HSD17B12: variants seen among roughly 807,000 people sequenced by gnomAD.
The protein encoded by HSD17B12 is hydroxysteroid 17-beta dehydrogenase 12.
HSD17B12 carries 32 observed loss-of-function variants against 39.3 expected under a neutral mutation model. That is an observed-to-expected ratio of 0.81 (90% confidence interval 0.61 to 1.09). The LOEUF is 1.09. Among genes scored for constraint, HSD17B12 ranks in the 50% least tolerant of loss-of-function variants. The pLI is 0.00. For synonymous variants in HSD17B12, 150 were observed against 146.7 expected, an observed-to-expected ratio of 1.02 and a Z score of -0.16; for missense variants, 342 against 382.9, an observed-to-expected ratio of 0.89 and a Z score of 0.89.
Position 43,790,316 on chromosome 11 carries a change from T to G in HSD17B12, c.284-8004T>G, listed in dbSNP as rs532478901. Among the ~76,000 whole-genome samples, 3 of 152,278 alleles carry G rather than the reference T, an allele frequency of 2.0e-5. No homozygotes were observed. The South Asian group carries it at 6.2e-4, about 32-fold the overall frequency. On this transcript the variant is annotated intron_variant, in intron 3 of 10. Coordinates refer to ENST00000278353, the MANE Select transcript of HSD17B12 (RefSeq NM_016142.3). ...GCAGAGTCAGATGTTCATGCCAGCT[T>G]GAAAAAATATGCAGCTGATGCAAGG...
intron 4 of HSD17B12, among the ~76,000 whole-genome samples, chr11:43,798,646 A>G (rs1347838051): frequency 6.6e-6 from 1 of 151,932 alleles, no homozygotes; most frequent in Non-Finnish European, 1.5e-5. Flanking sequence ...TTTCCTTGTT[A>G]TTTCTCTTAT....
chr11:43,598,699 CTT>C, the HSD17B12 span, among the ~76,000 whole-genome samples: 1 of 152,180 alleles, frequency 6.6e-6, no homozygotes, highest in Admixed American at 6.6e-5. Context: ...CCTTCTGAAA[CTT>C]TTCTCATTCA....
At chr11:43,726,947 G>T (rs1185118140) in intron 1 of HSD17B12, among the ~76,000 whole-genome samples, 5 of 152,098 alleles carry the variant, frequency 3.3e-5, no homozygotes, top group African/African-American at 1.2e-4. Context: ...AATTTTTAAG[G>T]CTTCCATTAA....
At chr11:43,816,485 G>A (rs1951124175) in intron 6 of HSD17B12, 94 bp downstream of exon 6, 6 of 1,066,088 alleles carry the variant, frequency 5.6e-6, no homozygotes, top group Non-Finnish European at 7.7e-6. Flanking sequence ...GTCTACTCTT[G>A]TTTAGATGCA....
intron 1 of HSD17B12, among the ~76,000 whole-genome samples, chr11:43,739,195 A>G (rs1950342568): frequency 6.6e-6 from 1 of 152,170 alleles, no homozygotes; most frequent in African/African-American, 2.4e-5. Flanking sequence ...GGGTGTGACA[A>G]GAGTGACCCA....
the HSD17B12 span, among the ~76,000 whole-genome samples, chr11:43,615,639 T>C: frequency 6.6e-6 from 1 of 152,186 alleles, no homozygotes; most frequent in Non-Finnish European, 1.5e-5. Flanking sequence ...ATAATGCGTT[T>C]TCCTTTTCTC....
At chr11:43,559,212 C>T in the HSD17B12 span, among the ~76,000 whole-genome samples, 1 of 152,052 alleles carries the variant, frequency 6.6e-6, no homozygotes, top group Non-Finnish European at 1.5e-5. Flanking sequence ...TATTTGTCTC[C>T]CTTTGATATA....
intron 1 of HSD17B12, among the ~76,000 whole-genome samples, chr11:43,746,930 C>T (rs1270076278): frequency 1.3e-5 from 2 of 152,168 alleles, no homozygotes; most frequent in African/African-American, 4.8e-5. Context: ...TATGCAGCTG[C>T]TGACTGTATG....
chr11:43,729,828 A>C (rs1950252706), intron 1 of HSD17B12, among the ~76,000 whole-genome samples: 1 of 152,252 alleles, frequency 6.6e-6, no homozygotes, highest in African/African-American at 2.4e-5. Context: ...GGTTCACAGA[A>C]GAAATAAAAG....
the HSD17B12 span, among the ~76,000 whole-genome samples, chr11:43,627,449 G>T: frequency 1.3e-5 from 2 of 151,598 alleles, no homozygotes; most frequent in African/African-American, 4.8e-5. Context: ...TTTTTTAATG[G>T]TGATGTTAGA....
chr11:43,692,897 G>A (rs1949875753), intron 1 of HSD17B12, among the ~76,000 whole-genome samples: 1 of 152,094 alleles, frequency 6.6e-6, no homozygotes. Flanking sequence ...AGAGCATTGA[G>A]TATATAGTTT....
chr11:43,592,878 G>A, the HSD17B12 span, among the ~76,000 whole-genome samples: 2 of 152,024 alleles, frequency 1.3e-5, no homozygotes, highest in African/African-American at 4.8e-5. Context: ...CACACTCTTA[G>A]AGGCTAAGAT....
chr11:43,586,470 C>G, the HSD17B12 span, among the ~76,000 whole-genome samples: 1 of 152,208 alleles, frequency 6.6e-6, no homozygotes, highest in Non-Finnish European at 1.5e-5. Flanking sequence ...TTATTTCTCT[C>G]CTCTGGGTGG....
intron 3 of HSD17B12, among the ~76,000 whole-genome samples, chr11:43,767,109 G>T (rs1306779436): frequency 6.6e-6 from 1 of 151,934 alleles, no homozygotes; most frequent in Admixed American, 6.6e-5. Context: ...GACACTAGCT[G>T]TACCTCTCAA....
the HSD17B12 span, chr11:43,579,606 T>A: frequency 6.6e-6 from 1 of 151,940 alleles, no homozygotes; most frequent in Non-Finnish European, 1.5e-5. Flanking sequence ...GAGCAGAACT[T>A]TTTTTTCCCA....
intron 4 of HSD17B12, among the ~76,000 whole-genome samples, chr11:43,807,209 G>C (rs11037654): frequency 1.2e-4 from 19 of 152,150 alleles, no homozygotes; most frequent in Non-Finnish European, 1.8e-4. Flanking sequence ...TTTTCTGGAA[G>C]ATAGCCATCG....
chr11:43,745,911 A>T (rs1207803565), intron 1 of HSD17B12, among the ~76,000 whole-genome samples: 4 of 152,124 alleles, frequency 2.6e-5, no homozygotes, highest in Admixed American at 2.6e-4. Flanking sequence ...ACGGGGGGCT[A>T]AGACAAGAGG....
intron 1 of HSD17B12, among the ~76,000 whole-genome samples, chr11:43,690,527 C>T (rs1053344484): frequency 2.0e-5 from 3 of 148,166 alleles, no homozygotes; most frequent in African/African-American, 7.5e-5. Flanking sequence ...GGCATGTGTC[C>T]CAGCTGTGTC....
At chr11:43,843,597 G>T (rs1036445693) in intron 9 of HSD17B12, among the ~76,000 whole-genome samples, 2 of 152,110 alleles carry the variant, frequency 1.3e-5, no homozygotes, top group African/African-American at 4.8e-5. Flanking sequence ...CCTCTGAAGT[G>T]CCCATGACTG....
Sources: allele counts gnomAD v4.1 joint callset (sites outside exome capture counted in the v4.1 genomes callset), GRCh38; gene constraint gnomAD v4.1.1; transcripts MANE v1.5; gene names NCBI Gene and HGNC (gene_info 2026-07-23, HGNC 2026-07-21).